The following PDLIM5 variants were observed in gnomAD, a reference collection of about 807,000 sequenced individuals.
PDLIM5 encodes PDZ and LIM domain 5.
Under a neutral mutation model 64.2 loss-of-function variants are expected in PDLIM5, and 34 were observed. That is an observed-to-expected ratio of 0.53 (90% confidence interval 0.40 to 0.71). PDLIM5 has a LOEUF of 0.71. Ranked by LOEUF, PDLIM5 falls within the 30% of genes least tolerant of loss-of-function variation. PDLIM5 has a pLI of 0.00. For missense variants in PDLIM5, 683 were observed against 733.6 expected (o/e 0.93, Z 0.80); for synonymous variants, 253 against 269.1 (o/e 0.94, Z 0.59).
intron 2 of PDLIM5, among the ~76,000 whole-genome samples, chr4:94,486,890 C>T (rs1560648689): frequency 6.6e-6 from 1 of 152,112 alleles, no homozygotes. Flanking sequence ...GTAGTTCCAG[C>T]TGCTTTTGAG....
chr4:94,625,821 A>C (rs970603928), intron 8 of PDLIM5, among the ~76,000 whole-genome samples: 4 of 152,176 alleles, frequency 2.6e-5, no homozygotes, highest in African/African-American at 9.7e-5. Context: ...GCTCTTGTTG[A>C]GGCACCATTC....
intron 3 of PDLIM5, among the ~76,000 whole-genome samples, chr4:94,566,684 A>G (rs1212750294): frequency 1.3e-5 from 2 of 152,250 alleles, no homozygotes; most frequent in Non-Finnish European, 2.9e-5. Flanking sequence ...TCCTGTATCA[A>G]CAAAGAGCTT....
chr4:94,497,868 G>A (rs1258615066), intron 2 of PDLIM5, among the ~76,000 whole-genome samples: 2 of 152,170 alleles, frequency 1.3e-5, no homozygotes, highest in Non-Finnish European at 2.9e-5. Flanking sequence ...GGGTAGCTAC[G>A]TGCTGGACAG....
At chr4:94,567,374 G>A (rs1351862045) in intron 3 of PDLIM5, among the ~76,000 whole-genome samples, 1 of 152,184 alleles carries the variant, frequency 6.6e-6, no homozygotes, top group African/African-American at 2.4e-5. Context: ...TATTAGTAAT[G>A]AAGTACTGTG....
chr4:94,648,041 C>T (rs1213375333), intron 9 of PDLIM5, among the ~76,000 whole-genome samples: 1 of 152,080 alleles, frequency 6.6e-6, no homozygotes, highest in African/African-American at 2.4e-5. Context: ...TGATAGCTGG[C>T]AAATGTCTGC....
intron 3 of PDLIM5, among the ~76,000 whole-genome samples, chr4:94,542,324 AAATAAATAAAGT>A (rs1254677622): frequency 4.6e-5 from 7 of 151,550 alleles, no homozygotes; most frequent in Admixed American, 2.0e-4. Context: ...ATAAATAAAT[AAATAAATAAAGT>A]AAGTAAGTAA....
At position 94,497,920 on chromosome 4, in the gene PDLIM5, C is replaced by G. The variant is rs79292637; in HGVS notation, c.97-25804C>G. ...AGGCTTTGGATGCTGAGAGAAGGAA[C>G]TCAGGATACCTGTTTGTAAGGGAAG... is the stretch of plus-strand genomic sequence containing the variant. On this transcript the variant is annotated intron_variant, in intron 2 of 12. Coordinates refer to ENST00000317968, the MANE Select transcript of PDLIM5 (RefSeq NM_006457.5). Among the ~76,000 whole-genome samples the G allele has an allele frequency of 7.2e-3, 1,099 of 152,296 alleles. 5 individuals are homozygous for G. Among genetic ancestry groups the G allele is most frequent in the Non-Finnish European group, 0.013 (872 of 68,026 alleles).
intron 9 of PDLIM5, among the ~76,000 whole-genome samples, chr4:94,648,481 G>T (rs536201033): frequency 6.6e-6 from 1 of 152,078 alleles, no homozygotes; most frequent in Non-Finnish European, 1.5e-5. Flanking sequence ...CACCATGCTC[G>T]GCTAATTTTT....
chr4:94,592,571 T>C (rs1168163724), intron 7 of PDLIM5, among the ~76,000 whole-genome samples: 4 of 152,234 alleles, frequency 2.6e-5, no homozygotes, highest in Admixed American at 1.3e-4. Flanking sequence ...ATGCCAATTG[T>C]GTGCTACTGA....
chr4:94,523,599 G>T, intron 2 of PDLIM5, 125 bp from the exon 3 acceptor site: 1 of 538,980 alleles, frequency 1.9e-6, no homozygotes, highest in African/African-American at 1.9e-5. Context: ...TGTTAAACAA[G>T]ACAGTTTTAT....
At chr4:94,614,315 G>A (rs992389525) in intron 7 of PDLIM5, among the ~76,000 whole-genome samples, 3 of 152,060 alleles carry the variant, frequency 2.0e-5, no homozygotes, top group Admixed American at 6.6e-5. Context: ...AGGTCTTGCC[G>A]TGTTGCCCAG....
At chr4:94,469,495 T>C (rs1724657789) in intron 2 of PDLIM5, among the ~76,000 whole-genome samples, 1 of 151,954 alleles carries the variant, frequency 6.6e-6, no homozygotes, top group Non-Finnish European at 1.5e-5. Flanking sequence ...GTTTAAGAAA[T>C]AGAAAGAAGG....
chr4:94,513,882 T>A (rs1223393451), intron 2 of PDLIM5, among the ~76,000 whole-genome samples: 3 of 152,168 alleles, frequency 2.0e-5, no homozygotes, highest in Non-Finnish European at 4.4e-5. Flanking sequence ...GCTTTTATTA[T>A]GTTGTGGTAT....
rs570474200 is a variant in PDLIM5 at position 94,580,506 on chromosome 4, G to A, written c.710+4472G>A. ...CATTTAAAGTTAAATTTTTCTGGAC[G>A]GAGACTTAGGCTATTTACTAGATTC... On this transcript the variant is annotated intron_variant, in intron 5 of 12. Transcript: ENST00000317968. Among the ~76,000 whole-genome samples, 24 of 152,070 alleles carry A rather than the reference G, an allele frequency of 1.6e-4. 2 individuals carry two copies. In the South Asian group the frequency reaches 4.8e-3, roughly 30 times the overall value.
intron 7 of PDLIM5, among the ~76,000 whole-genome samples, 154 bp downstream of exon 7, chr4:94,586,598 T>C (rs767640650): frequency 2.6e-5 from 4 of 152,220 alleles, no homozygotes; most frequent in Non-Finnish European, 5.9e-5. Flanking sequence ...GACCTAAATG[T>C]ACAACTTGCA....
At chr4:94,613,040 A>G (rs925575279) in intron 7 of PDLIM5, among the ~76,000 whole-genome samples, 6 of 151,908 alleles carry the variant, frequency 3.9e-5, no homozygotes, top group Non-Finnish European at 7.4e-5. Flanking sequence ...TCTTCTAAAT[A>G]TAGAATTCTG....
intron 11 of PDLIM5, among the ~76,000 whole-genome samples, chr4:94,659,290 T>C (rs6532497): frequency 0.57 from 86,267 of 151,966 alleles, 24,688 homozygotes; most frequent in African/African-American, 0.59. Flanking sequence ...AATAGGAAAT[T>C]CTGGCAGCTC....
At chr4:94,585,522 A>G (rs1463643221) in intron 5 of PDLIM5, 43 bp from the exon 6 acceptor site, 7 of 1,244,200 alleles carry the variant, frequency 5.6e-6, no homozygotes, top group South Asian at 3.5e-5. Context: ...TCCTTTTAAT[A>G]TAACTTTACA....
intron 3 of PDLIM5, among the ~76,000 whole-genome samples, chr4:94,534,490 C>T (rs1282207837): frequency 6.6e-6 from 1 of 152,080 alleles, no homozygotes; most frequent in Non-Finnish European, 1.5e-5. Flanking sequence ...ATAATCTTTG[C>T]CCTTAAAGAA....
Sources: gnomAD v4.1 joint callset for allele counts (sites outside exome capture counted in the v4.1 genomes callset) on GRCh38, gnomAD v4.1.1 for gene constraint, MANE v1.5 for transcripts, NCBI Gene and HGNC (gene_info 2026-07-23, HGNC 2026-07-21) for gene names.